The following TSPEAR variants were observed in gnomAD, a reference collection of about 807,000 sequenced individuals.
TSPEAR encodes thrombospondin type laminin G domain and EAR repeats.
Under a neutral mutation model 71.6 loss-of-function variants are expected in TSPEAR, and 69 were observed. That is an observed-to-expected ratio of 0.96 (90% confidence interval 0.79 to 1.18). The LOEUF (loss-of-function observed/expected upper bound fraction) is 1.18. Among genes scored for constraint, TSPEAR ranks in the 50% most tolerant of loss-of-function variants. The pLI is 0.00. For missense variants in TSPEAR, 971 were observed against 894.9 expected, an observed-to-expected ratio of 1.09 and a Z score of -1.09; for synonymous variants, 402 against 387.2, an observed-to-expected ratio of 1.04 and a Z score of -0.45.
At position 44,647,242 on chromosome 21, in the gene TSPEAR, T is replaced by A. The variant is rs782336066; in HGVS notation, c.82+64191A>T. Reference sequence around the variant, plus strand: ...CTCCTCCTGCTGTGCCCCCACCTCCTCCTGCCAGTCCAGCTGCTGCCGCCC... The same window carrying A: ...CTCCTCCTGCTGTGCCCCCACCTCCACCTGCCAGTCCAGCTGCTGCCGCCC... On this transcript the variant is annotated intron_variant, in intron 1 of 11. Coordinates refer to ENST00000323084, the MANE Select transcript of TSPEAR (RefSeq NM_144991.3). 36 of 1,603,400 alleles carry A rather than the reference T, an allele frequency of 2.2e-5. No individual in the cohort carries two copies. Among genetic ancestry groups the A allele is most frequent in the Non-Finnish European group, 2.6e-5 (31 of 1,174,566 alleles).
Position 44,567,851 on chromosome 21 carries a change from C to G in TSPEAR, c.237G>C (p.Gln79His), listed in dbSNP as rs1324345132. 1.9e-6 allele frequency: 3 copies of G among 1,609,696 alleles called. No individual in the cohort carries two copies. In the South Asian group the frequency reaches 3.3e-5, roughly 18 times the overall value. The change falls in exon 2 of 12, where the codon CAG becomes CAC. Residue 79 changes from glutamine (Q) to histidine (H), a missense_variant. By Grantham distance (24) the Gln-to-His change is conservative (BLOSUM62 0). Transcript: ENST00000323084. ...AAAATTCTTCAGGGAAGAGGTCACA[C>G]TGGGAGAAAATCCTGGATGCTGGGA... ...MSFPASRIFS[Q>H]CDLFPEEFSI...
Position 44,666,371 on chromosome 21 carries a change from A to G in TSPEAR, c.82+45062T>C, listed in dbSNP as rs1985759382. On this transcript the variant is annotated intron_variant, in intron 1 of 11. Coordinates refer to ENST00000323084, the MANE Select transcript of TSPEAR (RefSeq NM_144991.3). ...TCACCTGCACCATGTGCAGAAGACC[A>G]ACTGAGGACTCATCCAGGGAGTGTA... is the stretch of plus-strand genomic sequence containing the variant. 5 of 1,468,412 alleles carry G rather than the reference A, an allele frequency of 3.4e-6. No individual in the cohort carries two copies. In the South Asian group the frequency reaches 4.1e-5, roughly 12 times the overall value. The allele number at this position is 1,468,412 out of a possible 1,614,324, so 91.0% of individuals were successfully genotyped here.
intron 1 of TSPEAR, among the ~76,000 whole-genome samples, chr21:44,674,112 C>A: frequency 8.8e-6 from 1 of 113,242 alleles, no homozygotes. Context: ...CAGTAAGACT[C>A]CATCTCAAAA....
chr21:44,628,950 C>CG (rs5844190), intron 1 of TSPEAR, among the ~76,000 whole-genome samples: 71,580 of 151,682 alleles, frequency 0.47, 17,045 homozygotes, highest in East Asian at 0.62. Flanking sequence ...GGTGGAGGGC[C>CG]GGTGGGAACA....
rs587745956 is a variant in TSPEAR, at chr21:44,646,207, CAG to C, written c.82+65224_82+65225del. Among the ~76,000 whole-genome samples the C allele has an allele frequency of 4.8e-5, 6 of 124,010 alleles. No individual in the cohort carries two copies. In the East Asian group the frequency reaches 1.6e-3, roughly 32 times the overall value. 81.4% of individuals were successfully genotyped at this position (124,010 alleles called of 152,430 possible). On this transcript the variant is annotated intron_variant, in intron 1 of 11. Transcript: ENST00000323084. ...GCCAAAATAAAAACTGATGAAGAAACAGAGCCCTGCGACATACATACCAGTTT... is the reference window on the plus strand; with the variant it reads ...GCCAAAATAAAAACTGATGAAGAAACAGCCCTGCGACATACATACCAGTTT...
chr21:44,554,995 C>T (rs1328872071), intron 2 of TSPEAR, among the ~76,000 whole-genome samples: 3 of 152,014 alleles, frequency 2.0e-5, no homozygotes, highest in African/African-American at 7.3e-5. Context: ...AAAAAATAAG[C>T]ATAAAGGTAA....
rs1451686214 is a variant in TSPEAR at position 44,583,320 on chromosome 21, C to T, written c.83-15315G>A. On this transcript the variant is annotated intron_variant, in intron 1 of 11. Coordinates refer to ENST00000323084, the MANE Select transcript of TSPEAR (RefSeq NM_144991.3). Reference sequence around the variant, plus strand: ...GACACACGTTTGGATTCTTCTTTTCCAAAATGTAGTCTTTTGTTTTATTTG... The same window carrying T: ...GACACACGTTTGGATTCTTCTTTTCTAAAATGTAGTCTTTTGTTTTATTTG... 2.6e-5 allele frequency among the ~76,000 whole-genome samples: 4 copies of T among 152,304 alleles called. No individual in the cohort carries two copies. In the East Asian group the frequency reaches 7.7e-4, roughly 29 times the overall value.
At chr21:44,600,871 T>C in intron 1 of TSPEAR, 1 of 1,610,738 alleles carries the variant, frequency 6.2e-7, no homozygotes, top group East Asian at 2.2e-5. Context: ...CTGCACCAGC[T>C]CCTGCACGCC....
chr21:44,521,809 ACC>A, intron 9 of TSPEAR, 72 bp downstream of exon 9: 6 of 1,424,284 alleles, frequency 4.2e-6, no homozygotes, highest in South Asian at 2.4e-5. Flanking sequence ...AGCCCACATC[ACC>A]TGTCCAGCAG....
At chr21:44,611,612 C>T (rs912896852) in intron 1 of TSPEAR, among the ~76,000 whole-genome samples, 3 of 152,110 alleles carry the variant, frequency 2.0e-5, no homozygotes, top group Non-Finnish European at 4.4e-5. Context: ...GGGTGGGGAG[C>T]CAGGGGGCAT....
chr21:44,540,312 T>C lies in TSPEAR; in HGVS notation c.304-6389A>G, dbSNP rs587650493. The C allele has an allele frequency of 2.5e-6, 3 of 1,216,334 alleles. No individual in the cohort carries two copies. In the South Asian group the frequency reaches 4.5e-5, roughly 18 times the overall value. The allele number at this position is 1,216,334 out of a possible 1,614,324, so 75.3% of individuals were successfully genotyped here. A position where few individuals can be genotyped will look rare whatever the true frequency, so the allele number is the denominator to read the frequency against. On this transcript the variant is annotated intron_variant, in intron 2 of 11. Transcript: ENST00000323084. ...TTGTTCCAGGGCCCACAGCGTCCCC[T>C]TCCTGGTTGCTGAGAGGTGGCGTGT...
At chr21:44,598,477 T>C (rs1199147058) in intron 1 of TSPEAR, among the ~76,000 whole-genome samples, 4 of 152,270 alleles carry the variant, frequency 2.6e-5, no homozygotes, top group Admixed American at 6.5e-5. Context: ...GTGCTCGTTT[T>C]TCCTTACGAC....
At chr21:44,702,372 G>A in intron 1 of TSPEAR, 1 of 823,868 alleles carries the variant, frequency 1.2e-6, no homozygotes, top group Non-Finnish European at 1.6e-6. Flanking sequence ...CCTGCTGCCA[G>A]GCAGCCTGTG....
intron 2 of TSPEAR, among the ~76,000 whole-genome samples, chr21:44,557,125 C>T (rs1425071808): frequency 3.3e-5 from 5 of 152,160 alleles, no homozygotes; most frequent in South Asian, 2.1e-4. Context: ...CATAATGTGA[C>T]GCCACGCATC....
intron 1 of TSPEAR, among the ~76,000 whole-genome samples, chr21:44,694,164 GA>G (rs1987232698): frequency 6.6e-6 from 1 of 152,196 alleles, no homozygotes; most frequent in South Asian, 2.1e-4. Context: ...ATGGTGCTGG[GA>G]AAACTAGATT....
chr21:44,608,196 A>G (rs1043745953), intron 1 of TSPEAR, among the ~76,000 whole-genome samples: 42 of 152,362 alleles, frequency 2.8e-4, no homozygotes, highest in African/African-American at 8.7e-4. Context: ...GGTACCTTTT[A>G]CAGCATGTAA....
At chr21:44,683,529 CATG>C (rs1448956618) in intron 1 of TSPEAR, among the ~76,000 whole-genome samples, 3 of 151,966 alleles carry the variant, frequency 2.0e-5, no homozygotes, top group African/African-American at 7.3e-5. Context: ...ATTAGCCAGA[CATG>C]GTGGTGCATG....
At chr21:44,610,001 G>A (rs1981553992) in intron 1 of TSPEAR, among the ~76,000 whole-genome samples, 2 of 152,114 alleles carry the variant, frequency 1.3e-5, no homozygotes, top group South Asian at 4.2e-4. Context: ...TAATAATTCT[G>A]AGACAAACAG....
intron 2 of TSPEAR, among the ~76,000 whole-genome samples, chr21:44,543,652 C>G (rs1350161461): frequency 2.0e-5 from 3 of 152,128 alleles, no homozygotes; most frequent in African/African-American, 7.2e-5. Flanking sequence ...GACATACACA[C>G]AAAGGGAAGA....
Sources: gnomAD v4.1 joint callset for allele counts (sites outside exome capture counted in the v4.1 genomes callset) on GRCh38, gnomAD v4.1.1 for gene constraint, MANE v1.5 for transcripts, NCBI Gene and HGNC (gene_info 2026-07-23, HGNC 2026-07-21) for gene names.